PALD1: variants seen among roughly 807,000 people sequenced by gnomAD.
PALD1 encodes the protein phosphatase domain containing paladin 1.
PALD1 carries 57 observed loss-of-function variants against 96.0 expected under a neutral mutation model. That is an observed-to-expected ratio of 0.59 (90% CI 0.48 to 0.74). The LOEUF (loss-of-function observed/expected upper bound fraction) is 0.74, where lower values mean the gene tolerates loss of function less well. PALD1 is among the 30% of genes least tolerant of loss of function. The probability of loss-of-function intolerance (pLI) is 0.00; values close to 1 mark genes in which losing one functional copy is unlikely to be tolerated. For synonymous variants in PALD1, 464 were observed against 473.6 expected (o/e 0.98, Z 0.26); for missense variants, 1,063 against 1,143.7 (o/e 0.93, Z 1.02).
intron 1 of PALD1, among the ~76,000 whole-genome samples, chr10:70,488,468 A>G (rs1459513329): frequency 6.6e-6 from 1 of 152,204 alleles, no homozygotes; most frequent in East Asian, 1.9e-4. Flanking sequence ...ATAGAAAGTA[A>G]AATGTCAAAG....
chr10:70,524,559 T>A (rs1400294017), intron 1 of PALD1, among the ~76,000 whole-genome samples: 1 of 152,032 alleles, frequency 6.6e-6, no homozygotes, highest in Admixed American at 6.5e-5. Flanking sequence ...AAAGAGAAAA[T>A]AAAAATCGTC....
chr10:70,514,567 A>G (rs2132325392), intron 1 of PALD1, among the ~76,000 whole-genome samples: 2 of 152,032 alleles, frequency 1.3e-5, no homozygotes, highest in Middle Eastern at 3.4e-3. Context: ...GAGATGAAGG[A>G]GTCGGGGCCA....
intron 1 of PALD1, among the ~76,000 whole-genome samples, chr10:70,487,090 A>G (rs1334478189): frequency 6.6e-6 from 1 of 150,700 alleles, no homozygotes; most frequent in African/African-American, 2.4e-5. Context: ...CATCAGGTAA[A>G]TAAGCCCTGG....
intron 1 of PALD1, among the ~76,000 whole-genome samples, chr10:70,501,843 GCATGCATACC>G: frequency 6.6e-6 from 1 of 151,920 alleles, no homozygotes; most frequent in Non-Finnish European, 1.5e-5. Flanking sequence ...GTGCGTGCGT[GCATGCATACC>G]TGTGTTCATG....
chr10:70,534,596 C>T, intron 9 of PALD1, 72 bp downstream of exon 9: 1 of 1,236,658 alleles, frequency 8.1e-7, no homozygotes, highest in Non-Finnish European at 1.2e-6. Flanking sequence ...CTGGTCGGGG[C>T]TCTCTTCCTT....
chr10:70,534,256 T>C (rs1374778091), intron 8 of PALD1, among the ~76,000 whole-genome samples, 169 bp from the exon 9 acceptor site: 1 of 152,262 alleles, frequency 6.6e-6, no homozygotes, highest in African/African-American at 2.4e-5. Flanking sequence ...CTGACCTTTC[T>C]GGGCCTCAGT....
At chr10:70,492,683 C>G (rs1025545232) in intron 1 of PALD1, among the ~76,000 whole-genome samples, 16 of 151,426 alleles carry the variant, frequency 1.1e-4, no homozygotes, top group African/African-American at 3.9e-4. Flanking sequence ...TGTAGAACTC[C>G]TGACCTCAGG....
rs755349286 is a variant in PALD1, at chr10:70,556,308, G to GTCTCTGTCTCTCTGTC, written c.2263-8050_2263-8035dup. On this transcript the variant is annotated intron_variant, in intron 18 of 19. Coordinates refer to ENST00000263563, the MANE Select transcript of PALD1 (RefSeq NM_014431.3). ...TCTCTCTCTCTCTCTCTCTCTCTCT[G>GTCTCTGTCTCTCTGTC]TCTCTGTCTCTCTGTCTCTCTTTTT... Among the ~76,000 whole-genome samples the GTCTCTGTCTCTCTGTC allele has an allele frequency of 2.9e-3, 195 of 68,310 alleles. 1 individual carries two copies. Among genetic ancestry groups the GTCTCTGTCTCTCTGTC allele is most frequent in the African/African-American group, 8.9e-3 (172 of 19,350 alleles). 44.8% of individuals were successfully genotyped at this position (68,310 alleles called of 152,430 possible).
chr10:70,464,728 C>G, the PALD1 span, among the ~76,000 whole-genome samples: 2 of 146,770 alleles, frequency 1.4e-5, no homozygotes, highest in African/African-American at 5.1e-5. Context: ...CGGGTTCAAG[C>G]TATTCTCCTG....
chr10:70,547,660 G>A (rs1207163958), intron 18 of PALD1, among the ~76,000 whole-genome samples: 2 of 152,198 alleles, frequency 1.3e-5, no homozygotes, highest in Non-Finnish European at 2.9e-5. Context: ...AGATTCTGGA[G>A]TGGTAGGGGA....
Position 70,539,433 on chromosome 10 carries a change from G to T in PALD1, c.1726-147G>T, listed in dbSNP as rs907395669. The T allele has an allele frequency of 2.1e-5, 21 of 1,006,786 alleles. No homozygotes were observed. The highest frequency in any genetic ancestry group is 9.8e-5 in the African/African-American group (6 of 61,418). 62.4% of individuals were successfully genotyped at this position (1,006,786 alleles called of 1,614,324 possible). On this transcript the variant is annotated intron_variant, in intron 14 of 19. Transcript: ENST00000263563. This position sits in a 1 kb window ranked among gnomAD's most constrained non-coding sequence, Gnocchi z 4.5. Reference sequence around the variant, plus strand: ...TGCTCTGCTAACCTGCTTGGCTTTGGGGGGTGGCTGTGACCCCTGAGGCTT... The same window carrying T: ...TGCTCTGCTAACCTGCTTGGCTTTGTGGGGTGGCTGTGACCCCTGAGGCTT...
intron 1 of PALD1, among the ~76,000 whole-genome samples, chr10:70,480,457 T>C (rs1439029636): frequency 2.0e-5 from 3 of 152,054 alleles, no homozygotes; most frequent in Non-Finnish European, 4.4e-5. Context: ...CCCCAGGTGG[T>C]GCATGCACCC....
At chr10:70,478,267 C>G (rs1056199745), upstream of PALD1, among the ~76,000 whole-genome samples, 2 of 152,228 alleles carry the variant, frequency 1.3e-5, no homozygotes, top group African/African-American at 4.8e-5. Flanking sequence ...GGCAAAAGTG[C>G]AGAGCGCACC....
intron 11 of PALD1, 65 bp from the exon 12 acceptor site, chr10:70,538,215 G>A (rs368025634): frequency 2.8e-5 from 43 of 1,547,454 alleles, no homozygotes; most frequent in Non-Finnish European, 3.7e-5. Flanking sequence ...GCCATGGTGT[G>A]GGCAGGGAGG....
At chr10:70,561,831 C>T (rs921383109) in intron 18 of PALD1, among the ~76,000 whole-genome samples, 1 of 152,210 alleles carries the variant, frequency 6.6e-6, no homozygotes, top group Non-Finnish European at 1.5e-5. Flanking sequence ...TCATGCCCTC[C>T]GCCACTCAAG....
At chr10:70,537,635 T>C (rs761484999) in intron 10 of PALD1, among the ~76,000 whole-genome samples, 176 bp from the exon 11 acceptor site, 1 of 152,226 alleles carries the variant, frequency 6.6e-6, no homozygotes, top group Admixed American at 6.5e-5. Flanking sequence ...AACCACAGCA[T>C]CTGGGATAGG....
Position 70,539,233 on chromosome 10 carries a change from C to T in PALD1, c.1711C>T (p.Pro571Ser), listed in dbSNP as rs1047121221. ...SLRWPGPPVA[P>S]DQLETLEAQL... The stretch of plus-strand genomic sequence containing the variant: ...GCGGTGGCCTGGGCCCCCTGTGGCT[C>T]CTGACCAGCTGGAGGTGAGGCCCCC... The change falls in exon 14 of 20, where the codon CCT becomes TCT. Residue 571 changes from proline (P) to serine (S), a missense_variant. Physicochemically the swap from Pro to Ser is moderately conservative, Grantham distance 74 (BLOSUM62 -1). Coordinates refer to ENST00000263563, the MANE Select transcript of PALD1 (RefSeq NM_014431.3). The surrounding 1 kb of genome is among the most constrained non-coding windows in gnomAD (Gnocchi z 4.5). The T allele has an allele frequency of 2.5e-6, 4 of 1,610,418 alleles. No individual in the cohort carries two copies. Among genetic ancestry groups the T allele is most frequent in the Non-Finnish European group, 3.4e-6 (4 of 1,178,690 alleles).
At chr10:70,499,068 A>C (rs1444147447) in intron 1 of PALD1, among the ~76,000 whole-genome samples, 4 of 152,182 alleles carry the variant, frequency 2.6e-5, no homozygotes, top group African/African-American at 9.7e-5. Flanking sequence ...AATCCTTACC[A>C]TATCCCTATG....
chr10:70,521,759 C>G (rs1042904435), intron 1 of PALD1, among the ~76,000 whole-genome samples: 8 of 151,886 alleles, frequency 5.3e-5, no homozygotes, highest in African/African-American at 1.9e-4. Flanking sequence ...GTCTTGAACT[C>G]CTAACCTCAA....
Sources: allele counts gnomAD v4.1 joint callset (sites outside exome capture counted in the v4.1 genomes callset), GRCh38; gene constraint gnomAD v4.1.1; non-coding constraint Gnocchi (gnomAD v3.1); transcripts MANE v1.5; gene names NCBI Gene and HGNC (gene_info 2026-07-23, HGNC 2026-07-21).